The following ADIPOR2 variants were observed in gnomAD, a reference collection of about 807,000 sequenced individuals.
ADIPOR2 encodes the protein adiponectin receptor 2, also known as adiponectin receptor protein 2.
In ADIPOR2, 18 loss-of-function variants were observed where a neutral mutation model predicts 40.9. That is an observed-to-expected ratio of 0.44 (90% CI 0.30 to 0.65). The LOEUF (loss-of-function observed/expected upper bound fraction) is 0.65, where lower values mean the gene tolerates loss of function less well. Among genes scored for constraint, ADIPOR2 ranks in the 30% least tolerant of loss-of-function variants. ADIPOR2 has a pLI of 0.09. For synonymous variants in ADIPOR2, 165 were observed against 166.4 expected, an observed-to-expected ratio of 0.99 and a Z score of 0.06; for missense variants, 283 against 479.2, an observed-to-expected ratio of 0.59 and a Z score of 3.82.
At chr12:1,691,394 C>T (rs1237334538) in intron 1 of ADIPOR2, among the ~76,000 whole-genome samples, 1 of 152,162 alleles carries the variant, frequency 6.6e-6, no homozygotes, top group Non-Finnish European at 1.5e-5. Flanking sequence ...GCCTGAGGGT[C>T]GGCCGTGTGG....
intron 2 of ADIPOR2, among the ~76,000 whole-genome samples, chr12:1,759,500 AT>A (rs1862223633): frequency 6.6e-6 from 1 of 152,206 alleles, no homozygotes; most frequent in South Asian, 2.1e-4. Flanking sequence ...ATAAAGTAAG[AT>A]TTAAGGTAAT....
chr12:1,714,893 A>T (rs2094684587), intron 1 of ADIPOR2, among the ~76,000 whole-genome samples: 1 of 152,152 alleles, frequency 6.6e-6, no homozygotes, highest in Non-Finnish European at 1.5e-5. Context: ...CTATATACCT[A>T]TCAGGATCAT....
chr12:1,777,830 T>A (rs1168263347), intron 3 of ADIPOR2, 24 bp from the exon 4 acceptor site: 2 of 1,596,062 alleles, frequency 1.3e-6, no homozygotes, highest in Non-Finnish European at 1.7e-6. Flanking sequence ...ATCACAAAGA[T>A]GTTTGATAAT....
intron 1 of ADIPOR2, 27 bp from the exon 2 acceptor site, chr12:1,754,231 A>AT: frequency 1.8e-6 from 2 of 1,121,038 alleles, no homozygotes; most frequent in Non-Finnish European, 2.4e-6. Context: ...CCTTTAATGC[A>AT]TTTTTTCAAA....
chr12:1,746,002 T>G (rs1313177567), intron 1 of ADIPOR2, among the ~76,000 whole-genome samples: 1 of 152,192 alleles, frequency 6.6e-6, no homozygotes, highest in Non-Finnish European at 1.5e-5. Flanking sequence ...ATAAGTCTTC[T>G]TCCTATGCTT....
chr12:1,771,720 T>G (rs1197508297), intron 2 of ADIPOR2, among the ~76,000 whole-genome samples: 2 of 152,208 alleles, frequency 1.3e-5, no homozygotes, highest in East Asian at 3.8e-4. Context: ...ATTTAAAGTG[T>G]TGTAGTAGAT....
chr12:1,773,061 T>G, intron 3 of ADIPOR2, 100 bp downstream of exon 3: 3 of 1,392,538 alleles, frequency 2.2e-6, no homozygotes, highest in Non-Finnish European at 2.9e-6. Flanking sequence ...TTGGTTTGCT[T>G]TGGGGAAGAT....
intron 1 of ADIPOR2, among the ~76,000 whole-genome samples, chr12:1,693,121 C>T (rs2094630596): frequency 6.6e-6 from 1 of 152,110 alleles, no homozygotes; most frequent in South Asian, 2.1e-4. Flanking sequence ...CACCATTGCA[C>T]TCCAGTCTGG....
rs186736669 is a variant in ADIPOR2 at position 1,734,121 on chromosome 12, T to C, written c.-86-20137T>C. 2.6e-3 allele frequency among the ~76,000 whole-genome samples: 400 copies of C among 152,330 alleles called. 7 individuals carry two copies. Among genetic ancestry groups the C allele is most frequent in the Non-Finnish European group, 5.1e-4 (35 of 68,024 alleles). On this transcript the variant is annotated intron_variant, in intron 1 of 7. Transcript: ENST00000357103. Reference sequence around the variant, plus strand: ...CATGTTCTCTAATCCTTTGGGTATATACCCAGTAATGGGATGGCTGGGTCA... The same window carrying C: ...CATGTTCTCTAATCCTTTGGGTATACACCCAGTAATGGGATGGCTGGGTCA...
intron 2 of ADIPOR2, chr12:1,757,431 C>G (rs1862157350): frequency 2.7e-6 from 2 of 729,842 alleles, no homozygotes; most frequent in Admixed American, 1.9e-5. Flanking sequence ...GTGCCTCTCT[C>G]TGTTGGTTAT....
At chr12:1,729,617 G>GTTTTTTTTTTTTTTTTTTTTTTT (rs56921758) in intron 1 of ADIPOR2, among the ~76,000 whole-genome samples, 2 of 88,992 alleles carry the variant, frequency 2.2e-5, no homozygotes, top group Non-Finnish European at 4.4e-5. Context: ...TCAGCCAGTT[G>GTTTTTTTTTTTTTTTTTTTTTTT]TTTTTTTTTT....
At chr12:1,720,648 G>A (rs914662779) in intron 1 of ADIPOR2, among the ~76,000 whole-genome samples, 2 of 152,146 alleles carry the variant, frequency 1.3e-5, no homozygotes, top group Non-Finnish European at 2.9e-5. Context: ...GCGGAGCTCA[G>A]GTGGTAATGC....
rs554429262 is a variant in ADIPOR2 at position 1,752,178 on chromosome 12, C to T, written c.-86-2080C>T. Among the ~76,000 whole-genome samples the T allele has an allele frequency of 1.4e-3, 205 of 150,750 alleles. 1 individual carries two copies. Among genetic ancestry groups the T allele is most frequent in the African/African-American group, 4.9e-3 (201 of 41,086 alleles). ...TCTTCTGACCTTGTGATCTGCCCGT[C>T]TCGGCCCCCCAAAGTGCTGGGATTA... On this transcript the variant is annotated intron_variant, in intron 1 of 7. Transcript: ENST00000357103.
chr12:1,720,346 G>C (rs1043970414), intron 1 of ADIPOR2, among the ~76,000 whole-genome samples: 2 of 152,144 alleles, frequency 1.3e-5, no homozygotes, highest in Non-Finnish European at 2.9e-5. Context: ...TGGTGGGCAG[G>C]GGGTGGAGGG....
chr12:1,768,285 A>G (rs1375921206), intron 2 of ADIPOR2, among the ~76,000 whole-genome samples: 5 of 152,102 alleles, frequency 3.3e-5, no homozygotes, highest in African/African-American at 9.7e-5. Flanking sequence ...CTACTTTCCT[A>G]AATGCCCCCG....
At chr12:1,704,852 T>C (rs2094658890) in intron 1 of ADIPOR2, among the ~76,000 whole-genome samples, 1 of 152,204 alleles carries the variant, frequency 6.6e-6, no homozygotes, top group Non-Finnish European at 1.5e-5. Context: ...TTCCTTTTCT[T>C]TCTCATACTG....
intron 1 of ADIPOR2, among the ~76,000 whole-genome samples, chr12:1,740,919 G>A (rs1338179852): frequency 3.9e-5 from 6 of 152,204 alleles, no homozygotes; most frequent in South Asian, 2.1e-4. Flanking sequence ...GTGACGGGTC[G>A]TCAGGTAGGG....
chr12:1,772,765 T>C, intron 2 of ADIPOR2, 77 bp from the exon 3 acceptor site: 1 of 1,487,646 alleles, frequency 6.7e-7, no homozygotes, highest in East Asian at 2.3e-5. Context: ...TCATTATAAT[T>C]CCACAAGGGA....
chr12:1,772,263 A>G (rs1592627356), intron 2 of ADIPOR2, among the ~76,000 whole-genome samples: 1 of 152,214 alleles, frequency 6.6e-6, no homozygotes, highest in Non-Finnish European at 1.5e-5. Context: ...ACCTTGGACA[A>G]CTTACTTAAC....
Sources: allele counts gnomAD v4.1 joint callset (sites outside exome capture counted in the v4.1 genomes callset), GRCh38; gene constraint gnomAD v4.1.1; transcripts MANE v1.5; gene names NCBI Gene and HGNC (gene_info 2026-07-23, HGNC 2026-07-21).